Variants in CYP2C19 observed in about 807,000 individuals in gnomAD.
CYP2C19 encodes the protein cytochrome P450 2C19.
Under a neutral mutation model 40.9 loss-of-function variants are expected in CYP2C19, and 59 were observed. That is an observed-to-expected ratio of 1.44 (90% CI 1.17 to 1.79). The LOEUF (loss-of-function observed/expected upper bound fraction) is 1.79, where lower values mean the gene tolerates loss of function less well. Ranked by LOEUF, CYP2C19 falls within the 40% of genes most tolerant of loss-of-function variation. CYP2C19 has a pLI of 0.00. For synonymous variants in CYP2C19, 253 were observed against 208.7 expected (o/e 1.21, Z -1.83); for missense variants, 754 against 596.9 (o/e 1.26, Z -2.74).
chr10:94,785,363 G>A (rs930300595), intron 5 of CYP2C19, among the ~76,000 whole-genome samples: 2 of 152,082 alleles, frequency 1.3e-5, no homozygotes, highest in Admixed American at 6.6e-5. Flanking sequence ...GTAGGTCCCA[G>A]CTACATTCTT....
chr10:94,841,233 T>C (rs1440764379), intron 6 of CYP2C19, among the ~76,000 whole-genome samples: 1 of 152,192 alleles, frequency 6.6e-6, no homozygotes. Context: ...CAACTAGTGT[T>C]CAGGTTGATT....
intron 8 of CYP2C19, 147 bp from the exon 9 acceptor site, chr10:94,852,586 A>G: frequency 1.3e-6 from 1 of 791,136 alleles, no homozygotes; most frequent in Non-Finnish European, 2.0e-6. Context: ...TCATGCATTC[A>G]CCCAACCACC....
intron 3 of CYP2C19, among the ~76,000 whole-genome samples, chr10:94,779,580 G>C (rs1231383929): frequency 5.1e-5 from 2 of 39,356 alleles, no homozygotes; most frequent in Non-Finnish European, 1.2e-4. Flanking sequence ...TTTTTTTTTT[G>C]AGTTGGAGTC....
chr10:94,844,928 T>A (rs1033365255), intron 7 of CYP2C19, among the ~76,000 whole-genome samples: 1 of 152,220 alleles, frequency 6.6e-6, no homozygotes, highest in Non-Finnish European at 1.5e-5. Context: ...TGAAGGGGAA[T>A]GCTGCATCTG....
At chr10:94,784,378 G>A (rs925593665) in intron 5 of CYP2C19, among the ~76,000 whole-genome samples, 7 of 151,790 alleles carry the variant, frequency 4.6e-5, no homozygotes, top group Non-Finnish European at 7.4e-5. Context: ...TTTCTTTATG[G>A]GCATGTTTTC....
At position 94,842,868 on chromosome 10, in the gene CYP2C19, T is replaced by G. The variant is rs58068888; in HGVS notation, c.993T>G (p.Ile331Met). ...TCCAGGAAGAGATTGAACGTGTCAT[T>G]GGCAGAAACCGGAGCCCCTGCATGC... ...AKVQEEIERV[I>M]GRNRSPCMQD... Residue 331 changes from isoleucine to methionine, a missense_variant, in exon 7 of 9, where the codon ATT becomes ATG. Coordinates refer to ENST00000371321, the MANE Select transcript of CYP2C19 (RefSeq NM_000769.4). 1.2e-6 allele frequency: 2 copies of G among 1,614,064 alleles called. No homozygotes were observed. The highest frequency in any genetic ancestry group is 2.7e-5 in the African/African-American group (2 of 74,926).
intron 6 of CYP2C19, among the ~76,000 whole-genome samples, chr10:94,822,777 G>A (rs920478648): frequency 1.3e-5 from 2 of 152,064 alleles, no homozygotes; most frequent in Non-Finnish European, 2.9e-5. Flanking sequence ...CATTCTGACT[G>A]GTGTGAGATG....
chr10:94,796,589 ATGGCCAT>A (rs1352577874), intron 5 of CYP2C19, among the ~76,000 whole-genome samples: 1 of 152,094 alleles, frequency 6.6e-6, no homozygotes, highest in East Asian at 1.9e-4. Flanking sequence ...CTTGGGCAGT[ATGGCCAT>A]TTTCACGATA....
intron 6 of CYP2C19, among the ~76,000 whole-genome samples, chr10:94,833,226 C>T (rs550260976): frequency 6.6e-6 from 1 of 151,958 alleles, no homozygotes; most frequent in African/African-American, 2.4e-5. Flanking sequence ...TGACTTATTC[C>T]TTTCTAATGT....
intron 5 of CYP2C19, among the ~76,000 whole-genome samples, chr10:94,795,063 G>A (rs1047379433): frequency 2.0e-5 from 3 of 151,558 alleles, no homozygotes; most frequent in African/African-American, 4.8e-5. Context: ...GTGCAGGTTT[G>A]TTACATATGT....
chr10:94,792,075 A>C (rs950573180), intron 5 of CYP2C19, among the ~76,000 whole-genome samples: 3 of 152,120 alleles, frequency 2.0e-5, no homozygotes, highest in Admixed American at 1.3e-4. Context: ...TATTTAGGAT[A>C]GTTAGCTCTT....
chr10:94,822,565 A>AT (rs1394454565), intron 6 of CYP2C19, among the ~76,000 whole-genome samples: 5 of 152,058 alleles, frequency 3.3e-5, no homozygotes, highest in East Asian at 1.9e-4. Flanking sequence ...GATAGAATGA[A>AT]TTTTTTTGGG....
At chr10:94,825,421 T>C (rs1244608168) in intron 6 of CYP2C19, among the ~76,000 whole-genome samples, 2 of 150,916 alleles carry the variant, frequency 1.3e-5, no homozygotes, top group East Asian at 1.9e-4. Flanking sequence ...TGATGAGCAT[T>C]TTTTCATGTG....
intron 6 of CYP2C19, among the ~76,000 whole-genome samples, 167 bp from the exon 7 acceptor site, chr10:94,842,670 G>T (rs780100997): frequency 6.6e-6 from 1 of 152,030 alleles, no homozygotes; most frequent in East Asian, 1.9e-4. Context: ...TTACACATTT[G>T]TGCATCTGTA....
chr10:94,795,834 C>T (rs1848677182), intron 5 of CYP2C19, among the ~76,000 whole-genome samples: 1 of 151,552 alleles, frequency 6.6e-6, no homozygotes, highest in South Asian at 2.1e-4. Flanking sequence ...ATCCTTCACC[C>T]ACACTTTGAT....
chr10:94,792,523 G>A (rs1049322583), intron 5 of CYP2C19, among the ~76,000 whole-genome samples: 2 of 152,114 alleles, frequency 1.3e-5, no homozygotes, highest in Admixed American at 6.5e-5. Context: ...AGCACCTCCT[G>A]CAGGAGCTCT....
intron 5 of CYP2C19, among the ~76,000 whole-genome samples, chr10:94,795,150 C>A (rs891859986): frequency 9.6e-6 from 1 of 104,398 alleles, no homozygotes; most frequent in Admixed American, 1.3e-4. Flanking sequence ...GTTATCCCTC[C>A]CCCCACCCCC....
At chr10:94,804,583 G>A (rs1048593911) in intron 5 of CYP2C19, among the ~76,000 whole-genome samples, 1 of 152,190 alleles carries the variant, frequency 6.6e-6, no homozygotes, top group Admixed American at 6.5e-5. Flanking sequence ...GCAGGGCTTA[G>A]AATAAACAAA....
At chr10:94,847,162 G>A (rs1050167633) in intron 7 of CYP2C19, among the ~76,000 whole-genome samples, 1 of 151,722 alleles carries the variant, frequency 6.6e-6, no homozygotes, top group Non-Finnish European at 1.5e-5. Flanking sequence ...GTGCCATGTC[G>A]GTGTGCTGCA....
Sources: allele counts gnomAD v4.1 joint callset (sites outside exome capture counted in the v4.1 genomes callset), GRCh38; gene constraint gnomAD v4.1.1; transcripts MANE v1.5; gene names NCBI Gene and HGNC (gene_info 2026-07-23, HGNC 2026-07-21).